The following NUDT5 variants were observed in gnomAD, a reference collection of about 807,000 sequenced individuals.
NUDT5 encodes ADP-sugar pyrophosphatase.
A neutral mutation model predicts 34.1 loss-of-function variants in NUDT5; 21 were observed. The ratio of observed to expected loss-of-function variants is 0.62; its 90% confidence interval spans 0.44 to 0.89. NUDT5 has a LOEUF of 0.89. Among genes scored for constraint, NUDT5 ranks in the 40% least tolerant of loss-of-function variants. NUDT5 has a pLI of 0.00. For missense variants in NUDT5, 249 were observed against 274.8 expected (o/e 0.91, Z 0.66); for synonymous variants, 85 against 97.6 (o/e 0.87, Z 0.76).
At position 12,169,900 on chromosome 10, in the gene NUDT5, G is replaced by C. The variant is rs1834815283; in HGVS notation, c.550+817C>G. On this transcript the variant is annotated intron_variant, in intron 9 of 9. Coordinates refer to ENST00000491614, the MANE Select transcript of NUDT5 (RefSeq NM_014142.4). This position sits in a 1 kb window ranked among gnomAD's most constrained non-coding sequence, Gnocchi z 4.8. ...TTGAAGTAATCACTTAAAAACAGTA[G>C]AAAAATCAGTTATCAATTACCTAAA... 2.1e-6 allele frequency: 1 copy of C among 479,000 alleles called. No individual in the cohort carries two copies. Among genetic ancestry groups the C allele is most frequent in the African/African-American group, 1.9e-5 (1 of 51,322 alleles). The allele number at this position is 479,000 out of a possible 1,614,324, so 29.7% of individuals were successfully genotyped here.
chr10:12,174,417 C>G (rs3780861), intron 5 of NUDT5, among the ~76,000 whole-genome samples: 142,629 of 152,000 alleles, frequency 0.94, 66,971 homozygotes, highest in East Asian at 0.97. Flanking sequence ...CAGGTACACA[C>G]CACCATGCTC....
rs959365481 is a variant in NUDT5 at position 12,181,776 on chromosome 10, C to T, written c.132-2644G>A. 7.9e-5 allele frequency among the ~76,000 whole-genome samples: 12 copies of T among 151,468 alleles called. No homozygotes were observed. Among genetic ancestry groups the T allele is most frequent in the East Asian group, 1.9e-4 (1 of 5,154 alleles). On this transcript the variant is annotated intron_variant, in intron 3 of 9. Transcript: ENST00000491614. This position sits in a 1 kb window ranked among gnomAD's most constrained non-coding sequence, Gnocchi z 5.0. ...GGAGGACTGCTTGAGTTCAGGGGTTCGAGACCAGCCTGGGCAACATAGTGA... is the reference window on the plus strand; with the variant it reads ...GGAGGACTGCTTGAGTTCAGGGGTTTGAGACCAGCCTGGGCAACATAGTGA...
chr10:12,172,436 A>C (rs1359726960), intron 7 of NUDT5: 1 of 321,214 alleles, frequency 3.1e-6, no homozygotes, highest in South Asian at 3.3e-5. Context: ...ATATACATGA[A>C]GACAGAAACC....
At chr10:12,172,643 T>A in intron 7 of NUDT5, 122 bp downstream of exon 7, 1 of 670,940 alleles carries the variant, frequency 1.5e-6, no homozygotes, top group Non-Finnish European at 2.7e-6. Flanking sequence ...ACTGATGAAG[T>A]CTATTTGAAA....
Position 12,167,339 on chromosome 10 carries a change from T to C in NUDT5, c.*363A>G, listed in dbSNP as rs1834726899. On this transcript the variant is annotated 3_prime_UTR_variant, in exon 10 of 10. Transcript: ENST00000491614. The stretch of plus-strand genomic sequence containing the variant: ...CCAGCTTAGAATTTTATATTGGGGG[T>C]TGAGAGTGGAAATGACCTAATTGAG... 5.6e-6 allele frequency: 1 copy of C among 179,738 alleles called. No individual in the cohort carries two copies. The highest frequency in any genetic ancestry group is 1.2e-5 in the Non-Finnish European group (1 of 84,432). 11.1% of individuals were successfully genotyped at this position (179,738 alleles called of 1,614,324 possible).
intron 1 of NUDT5, among the ~76,000 whole-genome samples, chr10:12,195,105 A>G (rs1357512499): frequency 6.6e-6 from 1 of 152,234 alleles, no homozygotes; most frequent in Non-Finnish European, 1.5e-5. Flanking sequence ...GGTTGCAGTG[A>G]GCCAAGATTG....
chr10:12,167,961 TAAAGAATA>T (rs1471653739), intron 9 of NUDT5, 150 bp from the exon 10 acceptor site: 1 of 1,358,032 alleles, frequency 7.4e-7, no homozygotes, highest in Non-Finnish European at 9.6e-7. Flanking sequence ...ATAAGGATCT[TAAAGAATA>T]AAGACTATAA....
chr10:12,179,665 GC>G (rs57543846), intron 3 of NUDT5, among the ~76,000 whole-genome samples: 152,370 of 152,370 alleles, frequency 1, 76,185 homozygotes, highest in Non-Finnish European at 1. Flanking sequence ...GTAGGCAAGT[GC>G]CCCTACTTTG....
At chr10:12,195,361 C>T (rs1217357226) in intron 1 of NUDT5, among the ~76,000 whole-genome samples, 1 of 152,170 alleles carries the variant, frequency 6.6e-6, no homozygotes, top group Non-Finnish European at 1.5e-5. Context: ...TTTTGCGAGG[C>T]CAGACTAAAC....
intron 1 of NUDT5, among the ~76,000 whole-genome samples, chr10:12,188,593 TG>T (rs1185302755): frequency 6.6e-6 from 1 of 151,626 alleles, no homozygotes; most frequent in Non-Finnish European, 1.5e-5. Context: ...TAGCTGGACG[TG>T]GTGGGGTGCG....
At position 12,175,763 on chromosome 10, in the gene NUDT5, T is replaced by C. The variant is rs919355196; in HGVS notation, c.290-1950A>G. Among the ~76,000 whole-genome samples the C allele has an allele frequency of 1.3e-5, 2 of 149,736 alleles. No homozygotes were observed. The highest frequency in any genetic ancestry group is 1.5e-5 in the Non-Finnish European group (1 of 67,356). On this transcript the variant is annotated intron_variant, in intron 5 of 9. Coordinates refer to ENST00000491614, the MANE Select transcript of NUDT5 (RefSeq NM_014142.4). The surrounding 1 kb of genome is among the most constrained non-coding windows in gnomAD (Gnocchi z 4.8). ...GCCTGGGCAACATGGCAAAACCCCA[T>C]CTCTACAAAAAAATACAAAAAATGA...
In NUDT5 at chr10:12,181,931, G is replaced by T. The variant is rs1835049595; in HGVS notation, c.132-2799C>A. Among the ~76,000 whole-genome samples, 1 of 152,160 alleles carries T rather than the reference G, an allele frequency of 6.6e-6. No individual in the cohort carries two copies. Among genetic ancestry groups the T allele is most frequent in the Non-Finnish European group, 1.5e-5 (1 of 68,026 alleles). On this transcript the variant is annotated intron_variant, in intron 3 of 9. Transcript: ENST00000491614. The surrounding 1 kb of genome is among the most constrained non-coding windows in gnomAD (Gnocchi z 5.0). ...AGGTGGGTGGATCACCTGAGGTCAG[G>T]AGTTTCAGACCATCCTGGCCAACAA...
intron 4 of NUDT5, 51 bp from the exon 5 acceptor site, chr10:12,177,951 G>C (rs769242292): frequency 7.3e-7 from 1 of 1,364,440 alleles, no homozygotes; most frequent in South Asian, 1.2e-5. Flanking sequence ...GGTCAGCAAT[G>C]CCAGCACATT....
At chr10:12,177,467 C>A (rs188399775) in intron 5 of NUDT5, among the ~76,000 whole-genome samples, 6 of 152,108 alleles carry the variant, frequency 3.9e-5, no homozygotes, top group East Asian at 1.9e-4. Flanking sequence ...TGCAGTGAGC[C>A]GAGATCGTGC....
At position 12,173,824 on chromosome 10, in the gene NUDT5, A is replaced by G. The variant is rs956118981; in HGVS notation, c.290-11T>C. On this transcript the variant is annotated splice_polypyrimidine_tract_variant and intron_variant, in intron 5 of 9. Transcript: ENST00000491614. This position sits in a 1 kb window ranked among gnomAD's most constrained non-coding sequence, Gnocchi z 4.7. The stretch of plus-strand genomic sequence containing the variant: ...CATCATCTATGAGACCTGCAAGTCC[A>G]AATCATTGGTGTGATGGGAGCGGGA... 6.2e-7 allele frequency: 1 copy of G among 1,600,602 alleles called. No individual in the cohort carries two copies. The highest frequency in any genetic ancestry group is 1.3e-5 in the African/African-American group (1 of 74,438).
intron 5 of NUDT5, among the ~76,000 whole-genome samples, chr10:12,174,107 C>T (rs3740022): frequency 0.048 from 7,361 of 152,100 alleles, 247 homozygotes; most frequent in Admixed American, 0.078. Context: ...ATCTCATGAT[C>T]CACCCACGTC....
At chr10:12,176,777 T>C (rs1834956368) in intron 5 of NUDT5, among the ~76,000 whole-genome samples, 1 of 152,162 alleles carries the variant, frequency 6.6e-6, no homozygotes, top group African/African-American at 2.4e-5. Context: ...CTTGGCCTGT[T>C]TCCGCACAGC....
intron 9 of NUDT5, 186 bp from the exon 10 acceptor site, chr10:12,167,997 T>A: frequency 8.9e-7 from 1 of 1,119,598 alleles, no homozygotes; most frequent in Non-Finnish European, 1.2e-6. Flanking sequence ...ATTACATTCC[T>A]AGCATGAGAC....
At position 12,165,377 on chromosome 10, in the gene NUDT5, G is replaced by A; in HGVS notation, c.*2325C>T. ...TATTTAAGAAAACTGATTCAGTTGT[G>A]TTGGAAAAAATAAAGAAATCTGATA... On this transcript the variant is annotated 3_prime_UTR_variant, in exon 10 of 10. Coordinates refer to ENST00000491614, the MANE Select transcript of NUDT5 (RefSeq NM_014142.4). 1.0e-6 allele frequency: 1 copy of A among 971,474 alleles called. No individual in the cohort carries two copies. Among genetic ancestry groups the A allele is most frequent in the Non-Finnish European group, 1.2e-6 (1 of 817,300 alleles). 60.2% of individuals were successfully genotyped at this position (971,474 alleles called of 1,614,324 possible).
Sources: allele counts gnomAD v4.1 joint callset (sites outside exome capture counted in the v4.1 genomes callset), GRCh38; gene constraint gnomAD v4.1.1; non-coding constraint Gnocchi (gnomAD v3.1); transcripts MANE v1.5; gene names NCBI Gene and HGNC (gene_info 2026-07-23, HGNC 2026-07-21).